The following NOL4 variants were observed in gnomAD, a reference collection of about 807,000 sequenced individuals.
The protein encoded by NOL4 is cancer/testis antigen 125.
NOL4 carries 17 observed loss-of-function variants against 75.9 expected under a neutral mutation model. That is an observed-to-expected ratio of 0.22 (90% confidence interval 0.15 to 0.34). The LOEUF is 0.34. Ranked by LOEUF, NOL4 falls within the 10% of genes least tolerant of loss-of-function variation. NOL4 has a pLI of 1.00. For missense variants in NOL4, 614 were observed against 793.5 expected, an observed-to-expected ratio of 0.77 and a Z score of 2.72; for synonymous variants, 292 against 289.9, an observed-to-expected ratio of 1.01 and a Z score of -0.07.
intron 6 of NOL4, among the ~76,000 whole-genome samples, chr18:33,975,148 G>C (rs887946491): frequency 3.3e-5 from 5 of 152,154 alleles, no homozygotes; most frequent in Admixed American, 6.6e-5. Flanking sequence ...TAGAATGATA[G>C]TTACCAGTGG....
At chr18:34,120,913 G>T (rs2080111571) in intron 2 of NOL4, among the ~76,000 whole-genome samples, 1 of 152,118 alleles carries the variant, frequency 6.6e-6, no homozygotes, top group Non-Finnish European at 1.5e-5. Context: ...TAATCAAGCA[G>T]AAAATAGAAA....
intron 1 of NOL4, among the ~76,000 whole-genome samples, chr18:34,220,789 G>A (rs1324546040): frequency 6.6e-6 from 1 of 152,040 alleles, no homozygotes; most frequent in Non-Finnish European, 1.5e-5. Context: ...AATACTACAT[G>A]AGAACCATTA....
intron 1 of NOL4, among the ~76,000 whole-genome samples, chr18:34,199,090 T>C (rs1037407956): frequency 6.6e-6 from 1 of 151,718 alleles, no homozygotes; most frequent in African/African-American, 2.4e-5. Flanking sequence ...CTTATGGTTA[T>C]GAATTCTCAG....
intron 1 of NOL4, among the ~76,000 whole-genome samples, chr18:34,175,913 C>T (rs1281844224): frequency 5.9e-5 from 9 of 151,876 alleles, no homozygotes; most frequent in Non-Finnish European, 1.2e-4. Context: ...TTTAAAATAT[C>T]AATTTTCATT....
At chr18:33,987,611 T>A (rs563086853) in intron 6 of NOL4, among the ~76,000 whole-genome samples, 1 of 152,132 alleles carries the variant, frequency 6.6e-6, no homozygotes, top group Non-Finnish European at 1.5e-5. Flanking sequence ...AAAGCAACGA[T>A]AACTGCAGGA....
chr18:34,062,066 A>G (rs141190442), intron 5 of NOL4, among the ~76,000 whole-genome samples: 1 of 152,236 alleles, frequency 6.6e-6, no homozygotes, highest in East Asian at 1.9e-4. Context: ...TAAAGATAAG[A>G]CTTGGCAAGC....
At chr18:34,136,126 C>A (rs1243388096) in intron 1 of NOL4, among the ~76,000 whole-genome samples, 2 of 152,058 alleles carry the variant, frequency 1.3e-5, no homozygotes, top group Non-Finnish European at 2.9e-5. Flanking sequence ...ACTCATTTGA[C>A]AAAAGCCAAC....
chr18:34,034,741 C>A (rs911414099), intron 5 of NOL4, among the ~76,000 whole-genome samples: 1 of 150,134 alleles, frequency 6.7e-6, no homozygotes, highest in Non-Finnish European at 1.5e-5. Context: ...CCCTGCCCCA[C>A]CCCACCCCCC....
intron 9 of NOL4, among the ~76,000 whole-genome samples, chr18:33,884,413 T>G (rs2144702817): frequency 6.6e-6 from 1 of 152,242 alleles, no homozygotes; most frequent in African/African-American, 2.4e-5. Context: ...TTTGCTCATT[T>G]TTAAGCTACG....
At chr18:34,137,059 A>G (rs186684403) in intron 1 of NOL4, among the ~76,000 whole-genome samples, 1 of 152,244 alleles carries the variant, frequency 6.6e-6, no homozygotes, top group Admixed American at 6.5e-5. Flanking sequence ...GCAGTAGGAA[A>G]AGAATTTAAC....
chr18:34,072,419 T>C (rs572998497), intron 5 of NOL4, among the ~76,000 whole-genome samples: 1 of 126,396 alleles, frequency 7.9e-6, no homozygotes, highest in Non-Finnish European at 1.8e-5. Flanking sequence ...TTTAAATGTG[T>C]ATATTATTAA....
At chr18:34,112,983 T>C (rs2079673332) in intron 2 of NOL4, among the ~76,000 whole-genome samples, 1 of 152,116 alleles carries the variant, frequency 6.6e-6, no homozygotes. Flanking sequence ...ATAAAATCTG[T>C]TTCTCAAGAC....
chr18:34,040,812 T>C (rs1031494767), intron 5 of NOL4, among the ~76,000 whole-genome samples: 25 of 152,010 alleles, frequency 1.6e-4, no homozygotes, highest in African/African-American at 5.5e-4. Context: ...CAGCCCAGAA[T>C]TCAGGGCAAT....
At chr18:34,140,712 T>A (rs1411462311) in intron 1 of NOL4, among the ~76,000 whole-genome samples, 1 of 152,152 alleles carries the variant, frequency 6.6e-6, no homozygotes, top group South Asian at 2.1e-4. Context: ...GTGAATTTGA[T>A]CCTGTCATTA....
intron 1 of NOL4, among the ~76,000 whole-genome samples, chr18:34,215,430 T>C (rs2036816550): frequency 1.3e-5 from 2 of 152,186 alleles, no homozygotes; most frequent in Admixed American, 1.3e-4. Context: ...TATTAAGCAA[T>C]AGGCATATTT....
At chr18:34,206,960 A>G (rs867640763) in intron 1 of NOL4, among the ~76,000 whole-genome samples, 1 of 151,920 alleles carries the variant, frequency 6.6e-6, no homozygotes, top group African/African-American at 2.4e-5. Flanking sequence ...TGAATTTTAA[A>G]TTCATGGACT....
chr18:33,991,530 G>A (rs2072915792), intron 6 of NOL4, among the ~76,000 whole-genome samples: 1 of 151,832 alleles, frequency 6.6e-6, no homozygotes, highest in African/African-American at 2.4e-5. Context: ...TGATTACACT[G>A]CATTTTTTTT....
At chr18:34,170,256 C>T (rs891462992) in intron 1 of NOL4, among the ~76,000 whole-genome samples, 1 of 151,670 alleles carries the variant, frequency 6.6e-6, no homozygotes, top group Admixed American at 6.6e-5. Context: ...CAACTCATGG[C>T]AACCTCTGCC....
intron 5 of NOL4, among the ~76,000 whole-genome samples, chr18:34,085,508 C>T (rs1446074685): frequency 6.6e-6 from 1 of 152,190 alleles, no homozygotes; most frequent in Non-Finnish European, 1.5e-5. Flanking sequence ...CCGATTTCCC[C>T]TAGTTTCCCA....
Sources: gnomAD v4.1 joint callset for allele counts (sites outside exome capture counted in the v4.1 genomes callset) on GRCh38, gnomAD v4.1.1 for gene constraint, MANE v1.5 for transcripts, NCBI Gene and HGNC (gene_info 2026-07-23, HGNC 2026-07-21) for gene names.